ITGA1: variants seen among roughly 807,000 people sequenced by gnomAD.
ITGA1 encodes the protein integrin subunit alpha 1, also known as integrin alpha-1.
Under a neutral mutation model 145.9 loss-of-function variants are expected in ITGA1, and 85 were observed. The ratio of observed to expected loss-of-function variants is 0.58; its 90% CI spans 0.49 to 0.70. ITGA1 has a LOEUF of 0.70. Among genes scored for constraint, ITGA1 ranks in the 30% least tolerant of loss-of-function variants. The pLI is 0.00. For synonymous variants in ITGA1, 520 were observed against 495.3 expected (o/e 1.05, Z -0.66); for missense variants, 1,351 against 1,418.7 (o/e 0.95, Z 0.77).
intron 28 of ITGA1, among the ~76,000 whole-genome samples, chr5:52,950,145 T>C (rs535169657): frequency 1.2e-4 from 19 of 152,318 alleles, no homozygotes; most frequent in African/African-American, 4.1e-4. Flanking sequence ...GACGTAGGTT[T>C]AAATAGGTGG....
intron 14 of ITGA1, among the ~76,000 whole-genome samples, chr5:52,911,269 A>G (rs1045216457): frequency 7.4e-6 from 1 of 135,892 alleles, no homozygotes; most frequent in Non-Finnish European, 1.5e-5. Flanking sequence ...TATATAGTAT[A>G]TGTAGTGTAT....
intron 15 of ITGA1, among the ~76,000 whole-genome samples, chr5:52,917,926 A>G (rs1379076783): frequency 1.3e-5 from 2 of 152,208 alleles, no homozygotes; most frequent in Non-Finnish European, 1.5e-5. Context: ...ATTATTCACA[A>G]CATACACAGT....
intron 1 of ITGA1, among the ~76,000 whole-genome samples, chr5:52,818,648 A>T (rs1243670675): frequency 6.6e-6 from 1 of 152,212 alleles, no homozygotes; most frequent in East Asian, 1.9e-4. Context: ...TGAAATGATT[A>T]GACCATTAGA....
intron 2 of ITGA1, among the ~76,000 whole-genome samples, chr5:52,850,482 T>A (rs1023734839): frequency 6.6e-6 from 1 of 152,158 alleles, no homozygotes. Context: ...CAAGCCTACA[T>A]TTTTAGTAGC....
intron 1 of ITGA1, among the ~76,000 whole-genome samples, chr5:52,820,752 C>T (rs567489107): frequency 3.9e-5 from 6 of 152,112 alleles, no homozygotes; most frequent in Admixed American, 1.3e-4. Context: ...AGTTCTCTCC[C>T]GAGACCAGAA....
chr5:52,937,860 T>C (rs1750994167), intron 24 of ITGA1, among the ~76,000 whole-genome samples: 1 of 152,164 alleles, frequency 6.6e-6, no homozygotes, highest in Non-Finnish European at 1.5e-5. Flanking sequence ...CTGGCAACCC[T>C]AGTCGTTCCT....
At chr5:52,940,068 T>C in intron 26 of ITGA1, 124 bp downstream of exon 26, 1 of 681,146 alleles carries the variant, frequency 1.5e-6, no homozygotes, top group Non-Finnish European at 2.6e-6. Context: ...TATAAGAGGA[T>C]GTGACCAAGC....
intron 6 of ITGA1, among the ~76,000 whole-genome samples, chr5:52,880,711 C>T (rs912308243): frequency 3.3e-5 from 5 of 152,162 alleles, no homozygotes; most frequent in African/African-American, 1.2e-4. Flanking sequence ...AGAAGGCAGG[C>T]TTGTTGCAAA....
At position 52,922,819 on chromosome 5, in the gene ITGA1, TTTA is replaced by T. The variant is rs769051837; in HGVS notation, c.2336_2338del (p.Phe779_Asn780delinsTyr). 8.1e-6 allele frequency: 13 copies of T among 1,613,664 alleles called. 1 individual carries two copies. In the South Asian group the frequency reaches 1.4e-4, roughly 18 times the overall value. Reference sequence around the variant, plus strand: ...GGACTCTGTGAGAATAACGTTGGACTTTAATCTTACCGATCCAGAAAATGGGCC... The same window carrying T: ...GGACTCTGTGAGAATAACGTTGGACTATCTTACCGATCCAGAAAATGGGCC... On this transcript the variant is annotated inframe_deletion, in exon 18 of 29. Coordinates refer to ENST00000282588, the MANE Select transcript of ITGA1 (RefSeq NM_181501.2).
chr5:52,910,403 G>C lies in ITGA1; in HGVS notation c.1841G>C (p.Arg614Thr). The change falls in exon 14 of 29, where the codon AGG becomes ACG. Residue 614 changes from arginine to threonine, a missense_variant. Physicochemically the swap from Arg to Thr is moderately conservative, Grantham distance 71. Transcript: ENST00000282588. Reference sequence around the variant, plus strand: ...TATCATGGAAGTGGCAAGACTATAAGGAAAGAGTATGCACAAGTAAGAATT... The same window carrying C: ...TATCATGGAAGTGGCAAGACTATAACGAAAGAGTATGCACAAGTAAGAATT... ...YIYHGSGKTI[R>T]KEYAQRIPSG... 1.9e-6 allele frequency: 3 copies of C among 1,613,358 alleles called. No individual in the cohort carries two copies.
At position 52,932,315 on chromosome 5, in the gene ITGA1, C is replaced by T. The variant is rs1307018211; in HGVS notation, c.2861+179C>T. 7 of 550,020 alleles carry T rather than the reference C, an allele frequency of 1.3e-5. No individual in the cohort carries two copies. The Admixed American group carries it at 1.3e-4, about 10-fold the overall frequency. The allele number at this position is 550,020 out of a possible 1,614,324, so 34.1% of individuals were successfully genotyped here. A position where few individuals can be genotyped will look rare whatever the true frequency, so the allele number is the denominator to read the frequency against. ...GGAGGATGGGGTTAAACAAGCCTTC[C>T]AGGTAATTCTCATGCATCCTAATGT... is the stretch of plus-strand genomic sequence containing the variant. On this transcript the variant is annotated intron_variant, in intron 22 of 28. Coordinates refer to ENST00000282588, the MANE Select transcript of ITGA1 (RefSeq NM_181501.2).
intron 13 of ITGA1, among the ~76,000 whole-genome samples, chr5:52,909,909 A>C (rs1021391363): frequency 6.6e-6 from 1 of 152,112 alleles, no homozygotes; most frequent in Non-Finnish European, 1.5e-5. Flanking sequence ...TGGCCTGAAA[A>C]AGATGCTCTG....
chr5:52,929,227 T>G (rs1750860399), intron 20 of ITGA1, among the ~76,000 whole-genome samples: 1 of 152,160 alleles, frequency 6.6e-6, no homozygotes, highest in African/African-American at 2.4e-5. Flanking sequence ...GTCTTTTCAA[T>G]GCATCCTGAG....
At chr5:52,820,900 A>G (rs1748869436) in intron 1 of ITGA1, among the ~76,000 whole-genome samples, 1 of 152,144 alleles carries the variant, frequency 6.6e-6, no homozygotes, top group African/African-American at 2.4e-5. Context: ...TGTTTTGATT[A>G]AAACCCCTTA....
chr5:52,789,381 G>A (rs1580016642), intron 1 of ITGA1, among the ~76,000 whole-genome samples: 1 of 152,228 alleles, frequency 6.6e-6, no homozygotes, highest in African/African-American at 2.4e-5. Context: ...CTGCTGGCAT[G>A]GTTATTAGTA....
chr5:52,848,562 A>G (rs1749374184), intron 1 of ITGA1, among the ~76,000 whole-genome samples: 1 of 151,958 alleles, frequency 6.6e-6, no homozygotes, highest in Admixed American at 6.6e-5. Flanking sequence ...ATGGTTTTTT[A>G]TTTTTTATTG....
At chr5:52,788,531 G>C (rs10067659) in intron 1 of ITGA1, 117 bp downstream of exon 1, 647,336 of 848,652 alleles carry the variant, frequency 0.76, 249,056 homozygotes, top group Non-Finnish European at 0.79. Flanking sequence ...ATCCACTTTC[G>C]GGCATTCCAG....
At chr5:52,947,056 A>G (rs918093864) in intron 27 of ITGA1, among the ~76,000 whole-genome samples, 1 of 152,218 alleles carries the variant, frequency 6.6e-6, no homozygotes, top group Non-Finnish European at 1.5e-5. Flanking sequence ...TCCCTGAGTT[A>G]AACAGAAATT....
chr5:52,936,959 A>C (rs1283767511), intron 23 of ITGA1, among the ~76,000 whole-genome samples: 1 of 152,044 alleles, frequency 6.6e-6, no homozygotes, highest in Non-Finnish European at 1.5e-5. Context: ...TATGGGTTTA[A>C]GGAATTATGG....
Sources: gnomAD v4.1 joint callset for allele counts (sites outside exome capture counted in the v4.1 genomes callset) on GRCh38, gnomAD v4.1.1 for gene constraint, MANE v1.5 for transcripts, NCBI Gene and HGNC (gene_info 2026-07-23, HGNC 2026-07-21) for gene names.